Variants in ACSM1 observed in about 807,000 individuals in gnomAD.
The protein encoded by ACSM1 is acyl-coenzyme A synthetase ACSM1, mitochondrial.
A neutral mutation model predicts 75.8 loss-of-function variants in ACSM1; 79 were observed. The observed-to-expected ratio is 1.04, with a 90% CI of 0.87 to 1.26. ACSM1 has a LOEUF of 1.26. Ranked by LOEUF, ACSM1 falls within the 50% of genes most tolerant of loss-of-function variation. ACSM1 has a pLI of 0.00. For synonymous variants in ACSM1, 279 were observed against 265.8 expected (o/e 1.05, Z -0.48); for missense variants, 676 against 720.1 (o/e 0.94, Z 0.70).
intron 2 of ACSM1, among the ~76,000 whole-genome samples, chr16:20,689,489 A>G (rs1596475876): frequency 6.6e-6 from 1 of 152,182 alleles, no homozygotes; most frequent in Admixed American, 6.5e-5. Context: ...AGTGGACTAA[A>G]CTCCCCAGTC....
At chr16:20,623,635 C>T in intron 13 of ACSM1, 63 bp from the exon 14 acceptor site, 1 of 1,485,834 alleles carries the variant, frequency 6.7e-7, no homozygotes, top group Non-Finnish European at 9.4e-7. Context: ...AACAATTCTC[C>T]ACTCTCCTCC....
intron 7 of ACSM1, among the ~76,000 whole-genome samples, chr16:20,656,823 T>C (rs1156491745): frequency 6.6e-6 from 1 of 151,110 alleles, no homozygotes; most frequent in Non-Finnish European, 1.5e-5. Context: ...GAGGTGGGCA[T>C]GTAAGATTGT....
At chr16:20,694,750 A>G (rs553878688) in intron 1 of ACSM1, among the ~76,000 whole-genome samples, 3 of 152,328 alleles carry the variant, frequency 2.0e-5, no homozygotes, top group South Asian at 2.1e-4. Context: ...ACGAACCCCA[A>G]TATTTCAGAA....
In ACSM1 at chr16:20,669,911, A is replaced by G. The variant is rs2019799435; in HGVS notation, c.828T>C (p.Ile276=). The G allele has an allele frequency of 6.2e-7, 1 of 1,613,876 alleles. No homozygotes were observed. The highest frequency in any genetic ancestry group is 8.5e-7 in the Non-Finnish European group (1 of 1,179,898). The part of the protein sequence containing the change: ...LSDSGWIVAT[I]WTLVEPWTAG... ...CTGTCCATGGTTCTACCAGGGTCCA[A>G]ATGGTAGCCACAATCCATCCTGAGT... is the stretch of plus-strand genomic sequence containing the variant. The change falls in exon 6 of 14, where the codon ATT becomes ATC. Residue 276 remains isoleucine, a synonymous_variant. Coordinates refer to ENST00000520010, the MANE Select transcript of ACSM1 (RefSeq NM_001318890.3).
chr16:20,668,398 G>A (rs1472742249), intron 6 of ACSM1, among the ~76,000 whole-genome samples: 2 of 152,088 alleles, frequency 1.3e-5, no homozygotes, highest in African/African-American at 4.8e-5. Flanking sequence ...TGGGAAGGGT[G>A]GTCAGTCTTG....
In ACSM1 at chr16:20,685,840, A is replaced by C. The variant is rs904437460; in HGVS notation, c.193-437T>G. 1.4e-4 allele frequency among the ~76,000 whole-genome samples: 17 copies of C among 123,594 alleles called. 2 individuals are homozygous for C. The highest frequency in any genetic ancestry group is 2.3e-4 in the Non-Finnish European group (12 of 52,632). The allele number at this position is 123,594 out of a possible 152,430, so 81.1% of individuals were successfully genotyped here. A position where few individuals can be genotyped will look rare whatever the true frequency, so the allele number is the denominator to read the frequency against. On this transcript the variant is annotated intron_variant, in intron 2 of 13. Transcript: ENST00000520010. Reference sequence around the variant, plus strand: ...GTCTCAAAAAAAAAAAACAAACAAAAAAAAAACAAAAAACTTATAGCATCA... The same window carrying C: ...GTCTCAAAAAAAAAAAACAAACAAACAAAAAACAAAAAACTTATAGCATCA...
intron 10 of ACSM1, among the ~76,000 whole-genome samples, chr16:20,633,733 A>T (rs952811749): frequency 2.0e-5 from 3 of 152,158 alleles, no homozygotes; most frequent in African/African-American, 7.2e-5. Context: ...AACAATCTTT[A>T]AAAAGGTGAA....
chr16:20,696,533 T>G (rs1228034307), intron 1 of ACSM1, among the ~76,000 whole-genome samples: 1 of 152,234 alleles, frequency 6.6e-6, no homozygotes, highest in Non-Finnish European at 1.5e-5. Context: ...TCTCAAGTAT[T>G]TACTATAGAT....
chr16:20,690,150 G>T lies in ACSM1; in HGVS notation c.192+847C>A, dbSNP rs113890991. On this transcript the variant is annotated intron_variant, in intron 2 of 13. Transcript: ENST00000520010. ...ATGCCATAAAGGCATGTAGGCTTTGGATAGTAATACATGAATACATATTCA... is the reference window on the plus strand; with the variant it reads ...ATGCCATAAAGGCATGTAGGCTTTGTATAGTAATACATGAATACATATTCA... 5.6e-3 allele frequency among the ~76,000 whole-genome samples: 847 copies of T among 152,290 alleles called. 8 individuals carry two copies. The highest frequency in any genetic ancestry group is 0.019 in the African/African-American group (804 of 41,562).
chr16:20,632,109 C>T (rs1398251579), intron 10 of ACSM1, among the ~76,000 whole-genome samples: 1 of 152,126 alleles, frequency 6.6e-6, no homozygotes, highest in Non-Finnish European at 1.5e-5. Context: ...CTGGGGGACA[C>T]ACAAACATTC....
chr16:20,638,767 G>A (rs1567256930), intron 8 of ACSM1, among the ~76,000 whole-genome samples: 1 of 152,172 alleles, frequency 6.6e-6, no homozygotes. Flanking sequence ...TTTGCCCACT[G>A]CCACATCACT....
intron 10 of ACSM1, 86 bp from the exon 11 acceptor site, chr16:20,627,402 T>A (rs1473925938): frequency 5.0e-5 from 72 of 1,432,676 alleles, no homozygotes; most frequent in Non-Finnish European, 6.4e-5. Flanking sequence ...TGGGTTTGAA[T>A]TCTGCCTCTG....
chr16:20,686,422 A>G (rs1305614149), intron 2 of ACSM1, among the ~76,000 whole-genome samples: 1 of 152,068 alleles, frequency 6.6e-6, no homozygotes, highest in Non-Finnish European at 1.5e-5. Context: ...GCCATACTCA[A>G]TTCCCACTTA....
At chr16:20,644,728 C>T (rs1010164315) in intron 7 of ACSM1, among the ~76,000 whole-genome samples, 1 of 152,184 alleles carries the variant, frequency 6.6e-6, no homozygotes, top group Non-Finnish European at 1.5e-5. Flanking sequence ...TATACCAATT[C>T]TAAGTTAGTT....
chr16:20,638,987 GA>G (rs1162327361), intron 8 of ACSM1, among the ~76,000 whole-genome samples: 1 of 152,180 alleles, frequency 6.6e-6, no homozygotes, highest in Non-Finnish European at 1.5e-5. Flanking sequence ...TCTGGAAGCA[GA>G]CAAATTAACT....
intron 8 of ACSM1, among the ~76,000 whole-genome samples, chr16:20,639,756 C>T (rs2017939961): frequency 1.3e-5 from 2 of 152,170 alleles, no homozygotes. Context: ...CATAATTCAG[C>T]ACATCTGCTG....
At chr16:20,641,978 G>A (rs1038050529) in intron 7 of ACSM1, among the ~76,000 whole-genome samples, 10 of 152,332 alleles carry the variant, frequency 6.6e-5, no homozygotes, top group East Asian at 1.9e-4. Context: ...CATGTATTAC[G>A]AAGAGTGGGA....
At chr16:20,644,431 T>C (rs1000887400) in intron 7 of ACSM1, among the ~76,000 whole-genome samples, 1 of 152,014 alleles carries the variant, frequency 6.6e-6, no homozygotes, top group African/African-American at 2.4e-5. Flanking sequence ...CCCAGCAGAT[T>C]TCTTAACAAG....
At chr16:20,683,661 T>TTTTTG (rs2079491151) in intron 3 of ACSM1, among the ~76,000 whole-genome samples, 1 of 137,302 alleles carries the variant, frequency 7.3e-6, no homozygotes, top group African/African-American at 2.6e-5. Context: ...TTTTTTTTTT[T>TTTTTG]GAGAGTCTTG....
Sources: allele counts gnomAD v4.1 joint callset (sites outside exome capture counted in the v4.1 genomes callset), GRCh38; gene constraint gnomAD v4.1.1; transcripts MANE v1.5; gene names NCBI Gene and HGNC (gene_info 2026-07-23, HGNC 2026-07-21).